Variants in NSD2 observed in about 807,000 individuals in gnomAD.
NSD2 encodes histone-lysine N-methyltransferase NSD2.
In NSD2, 12 loss-of-function variants were observed where a neutral mutation model predicts 139.0. The observed-to-expected ratio is 0.09, with a 90% CI of 0.06 to 0.14. The LOEUF (loss-of-function observed/expected upper bound fraction) is 0.14. Ranked by LOEUF, NSD2 falls within the 10% of genes least tolerant of loss-of-function variation. NSD2 has a pLI of 1.00. For synonymous variants in NSD2, 669 were observed against 648.7 expected (o/e 1.03, Z -0.48); for missense variants, 1,155 against 1,745.0 (o/e 0.66, Z 6.02).
chr4:1,905,142 A>G (rs992133450), intron 3 of NSD2, among the ~76,000 whole-genome samples: 2 of 152,186 alleles, frequency 1.3e-5, no homozygotes, highest in African/African-American at 4.8e-5. Flanking sequence ...CAAAAAAAAA[A>G]AGAATGTTAT....
chr4:1,923,152 A>G (rs1720381749), intron 5 of NSD2, among the ~76,000 whole-genome samples: 1 of 151,874 alleles, frequency 6.6e-6, no homozygotes, highest in South Asian at 2.1e-4. Flanking sequence ...AAATAAGCCA[A>G]ACTAATAACA....
chr4:1,945,785 A>G, intron 9 of NSD2: 7 of 1,064,392 alleles, frequency 6.6e-6, no homozygotes, highest in Non-Finnish European at 8.0e-6. Context: ...TGAGACGTGC[A>G]TGGAGGGCTG....
intron 1 of NSD2, among the ~76,000 whole-genome samples, chr4:1,890,546 C>T (rs963714344): frequency 3.3e-5 from 5 of 151,918 alleles, no homozygotes; most frequent in African/African-American, 1.2e-4. Flanking sequence ...CGTGATCCGC[C>T]CACCTCGGCC....
In NSD2 at chr4:1,955,502, A is replaced by G. The variant is rs1724717984; in HGVS notation, c.2518+162A>G. On this transcript the variant is annotated intron_variant, in intron 13 of 21. Transcript: ENST00000508803. This position sits in a 1 kb window ranked among gnomAD's most constrained non-coding sequence, Gnocchi z 4.7. ...TCACAGTAGCTCTAAATTAATTGTA[A>G]TCATTTCGCAAACATACAGGAAATT... The G allele has an allele frequency of 2.4e-6, 3 of 1,233,950 alleles. No individual in the cohort carries two copies. Among genetic ancestry groups the G allele is most frequent in the Non-Finnish European group, 3.3e-6 (3 of 916,684 alleles). 76.4% of individuals were successfully genotyped at this position (1,233,950 alleles called of 1,614,324 possible).
At position 1,901,170 on chromosome 4, in the gene NSD2, C is replaced by T. The variant is rs895843428; in HGVS notation, c.516C>T (p.Ser172=). ...AGGCGAGAAGGAACAGGAAGAGGAG[C>T]ATAAAATATGACTCCTTGCTGGAGC... ...ENKARRNRKR[S]IKYDSLLEQG... The change falls in exon 2 of 22, where the codon AGC becomes AGT. Residue 172 remains serine, a synonymous_variant. Transcript: ENST00000508803. 6.2e-7 allele frequency: 1 copy of T among 1,613,872 alleles called. No homozygotes were observed. Among genetic ancestry groups the T allele is most frequent in the Non-Finnish European group, 8.5e-7 (1 of 1,179,916 alleles).
chr4:1,889,577 C>A (rs1037435090), intron 1 of NSD2, among the ~76,000 whole-genome samples: 6 of 151,856 alleles, frequency 4.0e-5, no homozygotes, highest in Admixed American at 3.9e-4. Context: ...TCTCGGCTTA[C>A]TGTAACCTCC....
Position 1,900,947 on chromosome 4 carries a change from T to G in NSD2, c.293T>G (p.Leu98Arg), listed in dbSNP as rs1261446605. Residue 98 changes from leucine to arginine, a missense_variant, in exon 2 of 22, where the codon CTG (leucine) becomes CGG (arginine). Leu to Arg is a moderately radical substitution (Grantham distance 102). This residue lies in a region of NSD2 where 246 missense variants were observed against 262.8 expected (regional missense o/e 0.94). Coordinates refer to ENST00000508803, the MANE Select transcript of NSD2 (RefSeq NM_001042424.3). Reference protein sequence around the residue: ...NGEPGAHDAKLRFESQEMKGI... With the variant: ...NGEPGAHDAKRRFESQEMKGI... ...GAACCCGGCGCACACGATGCCAAACTGCGTTTTGAGTCCCAGGAAATGAAA... is the reference window on the plus strand; with the variant it reads ...GAACCCGGCGCACACGATGCCAAACGGCGTTTTGAGTCCCAGGAAATGAAA... The G allele has an allele frequency of 1.2e-6, 2 of 1,614,198 alleles. No individual in the cohort carries two copies. Among genetic ancestry groups the G allele is most frequent in the Non-Finnish European group, 1.7e-6 (2 of 1,180,036 alleles).
chr4:1,962,913 T>C (rs899912221), intron 18 of NSD2, among the ~76,000 whole-genome samples: 7 of 152,124 alleles, frequency 4.6e-5, no homozygotes, highest in Non-Finnish European at 8.8e-5. Context: ...TCCTCCTACA[T>C]GCTCTGTCAG....
Position 1,978,720 on chromosome 4 carries a change from C to A in NSD2, c.3909C>A (p.Phe1303Leu). 4.3e-6 allele frequency: 7 copies of A among 1,614,186 alleles called. No individual in the cohort carries two copies. The highest frequency in any genetic ancestry group is 5.9e-6 in the Non-Finnish European group (7 of 1,180,028). ...TSFCHLCPNS[F>L]CKEHQDGTAF... ...TTTGCCACCTCTGCCCCAATTCGTTCTGTAAGGAGCACCAGGACGGGACAG... is the reference window on the plus strand; with the variant it reads ...TTTGCCACCTCTGCCCCAATTCGTTATGTAAGGAGCACCAGGACGGGACAG... The change falls in exon 22 of 22, where the codon TTC (phenylalanine) becomes TTA (leucine). Residue 1303 changes from phenylalanine (F) to leucine (L), a missense_variant. By Grantham distance (22) the Phe-to-Leu change is conservative. This residue lies in a region of NSD2 where 132 missense variants were observed against 94.3 expected (regional missense o/e 1.40). Transcript: ENST00000508803.
intron 3 of NSD2, among the ~76,000 whole-genome samples, chr4:1,906,801 T>C (rs1016420468): frequency 2.6e-5 from 4 of 151,758 alleles, no homozygotes; most frequent in Admixed American, 2.6e-4. Context: ...GCTGGGATTA[T>C]AGGTGTGTGC....
rs1577537113 is a variant in NSD2, at chr4:1,955,470, T to C, written c.2518+130T>C. On this transcript the variant is annotated intron_variant, in intron 13 of 21. Transcript: ENST00000508803. The surrounding 1 kb of genome is among the most constrained non-coding windows in gnomAD (Gnocchi z 4.7). Reference sequence around the variant, plus strand: ...AGTGTTCTGTGCGTCTTCACGTTAATAGTATATCACAGTAGCTCTAAATTA... The same window carrying C: ...AGTGTTCTGTGCGTCTTCACGTTAACAGTATATCACAGTAGCTCTAAATTA... The C allele has an allele frequency of 7.0e-6, 9 of 1,291,488 alleles. No individual in the cohort carries two copies. The South Asian group carries it at 1.4e-4, about 20-fold the overall frequency. 80.0% of individuals were successfully genotyped at this position (1,291,488 alleles called of 1,614,324 possible). A position where few individuals can be genotyped will look rare whatever the true frequency, so the allele number is the denominator to read the frequency against.
intron 6 of NSD2, among the ~76,000 whole-genome samples, chr4:1,934,612 G>A (rs372897022): frequency 1.3e-5 from 2 of 150,102 alleles, no homozygotes; most frequent in African/African-American, 2.4e-5. Context: ...CACTTTGGGA[G>A]GCCGAGGCAG....
intron 1 of NSD2, among the ~76,000 whole-genome samples, chr4:1,881,763 G>A (rs996197324): frequency 7.2e-5 from 11 of 152,142 alleles, no homozygotes; most frequent in Admixed American, 1.3e-4. Flanking sequence ...AGCAAGTCAT[G>A]AAGGAAAGAT....
intron 3 of NSD2, among the ~76,000 whole-genome samples, chr4:1,912,824 C>T (rs1400898962): frequency 2.0e-5 from 3 of 152,068 alleles, no homozygotes; most frequent in Admixed American, 6.6e-5. Flanking sequence ...GCACTCTTAA[C>T]CTTTTGCACT....
chr4:1,963,352 G>A (rs1031601699), intron 18 of NSD2, among the ~76,000 whole-genome samples: 1 of 152,188 alleles, frequency 6.6e-6, no homozygotes, highest in Non-Finnish European at 1.5e-5. Context: ...TGAGTACCCT[G>A]TGTAGACCCC....
Position 1,958,006 on chromosome 4 carries a change from G to A in NSD2, c.2955G>A (p.Glu985=), listed in dbSNP as rs1448074907. 2 of 1,614,124 alleles carry A rather than the reference G, an allele frequency of 1.2e-6. No individual in the cohort carries two copies. Among genetic ancestry groups the A allele is most frequent in the Admixed American group, 1.7e-5 (1 of 60,022 alleles). The change falls in exon 16 of 22, where the codon GAG becomes GAA. Residue 985 remains glutamate, a synonymous_variant. Coordinates refer to ENST00000508803, the MANE Select transcript of NSD2 (RefSeq NM_001042424.3). This position sits in a 1 kb window ranked among gnomAD's most constrained non-coding sequence, Gnocchi z 4.6. ...AAGCCCGAGAAACACAGGAGAGCGA[G>A]CGCAAGCCCCCACCATACAAGCACA... ...QREARETQES[E]RKPPPYKHIK...
chr4:1,944,808 A>G (rs1723451838), intron 9 of NSD2: 1 of 1,063,580 alleles, frequency 9.4e-7, no homozygotes, highest in Non-Finnish European at 1.1e-6. Context: ...CTCAGTGTTC[A>G]TGCAAAAATT....
rs538218833 is a variant in NSD2, at chr4:1,953,320, T to C, written c.2138-4T>C. On this transcript the variant is annotated splice_polypyrimidine_tract_variant and splice_region_variant and intron_variant, in intron 11 of 21. Coordinates refer to ENST00000508803, the MANE Select transcript of NSD2 (RefSeq NM_001042424.3). ...TCTCCACCCCTTCTTTAACTTTTTG[T>C]TAGGGATTCACTCATGTTTCGTGTG... is the stretch of plus-strand genomic sequence containing the variant. 1.5e-4 allele frequency: 243 copies of C among 1,614,238 alleles called. 1 individual carries two copies. In the South Asian group the frequency reaches 2.5e-3, roughly 16 times the overall value.
intron 5 of NSD2, among the ~76,000 whole-genome samples, chr4:1,926,021 T>A (rs1720864037): frequency 6.6e-6 from 1 of 152,026 alleles, no homozygotes; most frequent in Non-Finnish European, 1.5e-5. Flanking sequence ...CAATCTGGAC[T>A]CAAACTCCTG....
Sources: allele counts gnomAD v4.1 joint callset (sites outside exome capture counted in the v4.1 genomes callset), GRCh38; gene constraint gnomAD v4.1.1; regional missense constraint gnomAD v4.1.1; non-coding constraint Gnocchi (gnomAD v3.1); transcripts MANE v1.5; gene names NCBI Gene and HGNC (gene_info 2026-07-23, HGNC 2026-07-21).